Variants in FREM3 observed in about 807,000 individuals in gnomAD.
The protein encoded by FREM3 is FRAS1-related extracellular matrix protein 3.
A neutral mutation model predicts 129.1 loss-of-function variants in FREM3; 105 were observed. The observed-to-expected ratio is 0.81, with a 90% CI of 0.69 to 0.96. The LOEUF (loss-of-function observed/expected upper bound fraction) is 0.96, where lower values mean the gene tolerates loss of function less well. FREM3 is among the 40% of genes least tolerant of loss of function. The probability of loss-of-function intolerance (pLI) is 0.00; values close to 1 mark genes in which losing one functional copy is unlikely to be tolerated. For synonymous variants in FREM3, 1,014 were observed against 1,044.9 expected (o/e 0.97, Z 0.57); for missense variants, 2,593 against 2,666.3 (o/e 0.97, Z 0.61).
At chr4:143,582,729 T>G (rs879143148) in intron 7 of FREM3, among the ~76,000 whole-genome samples, 2 of 151,866 alleles carry the variant, frequency 1.3e-5, no homozygotes, top group Admixed American at 1.3e-4. Context: ...TCATCGAGAA[T>G]CAGGTGAAAG....
At chr4:143,595,571 G>C (rs1362978102) in intron 6 of FREM3, among the ~76,000 whole-genome samples, 1 of 152,078 alleles carries the variant, frequency 6.6e-6, no homozygotes, top group Non-Finnish European at 1.5e-5. Context: ...GTAGCACTTA[G>C]GATTTCATTC....
Position 143,696,198 on chromosome 4 carries a change from C to T in FREM3, c.4478G>A (p.Ser1493Asn). ...IASFTQLQLA[S>N]NKISYVHTSN... ...AGTATGGACATAGGATATTTTGTTG[C>T]TAGCCAATTGAAGTTGAGTGAAAGA... Residue 1493 changes from serine to asparagine, a missense_variant, in exon 1 of 8, where the codon AGC (serine) becomes AAC (asparagine). This residue lies in a region of FREM3 where 2,276 missense variants were observed against 2,267.2 expected (regional missense o/e 1.00). Transcript: ENST00000329798. The T allele has an allele frequency of 2.0e-6, 3 of 1,537,810 alleles. No homozygotes were observed. The highest frequency in any genetic ancestry group is 2.4e-5 in the South Asian group (2 of 84,064).
chr4:143,593,505 G>T (rs1402353134), intron 6 of FREM3, among the ~76,000 whole-genome samples: 1 of 152,222 alleles, frequency 6.6e-6, no homozygotes, highest in South Asian at 2.1e-4. Flanking sequence ...GTCCACTCCA[G>T]ACCCTGTTTG....
intron 2 of FREM3, among the ~76,000 whole-genome samples, chr4:143,686,006 T>C (rs2149860690): frequency 6.6e-6 from 1 of 151,610 alleles, no homozygotes; most frequent in South Asian, 2.1e-4. Context: ...ACTTAAATTA[T>C]ATATATATAT....
intron 2 of FREM3, among the ~76,000 whole-genome samples, chr4:143,668,682 C>T (rs1227151168): frequency 5.3e-5 from 8 of 152,204 alleles, no homozygotes; most frequent in Admixed American, 6.5e-5. Context: ...ACTATATGGT[C>T]TTCTAATGAG....
chr4:143,611,242 C>A (rs768261153), intron 6 of FREM3, 37 bp downstream of exon 6: 1 of 1,513,994 alleles, frequency 6.6e-7, no homozygotes, highest in East Asian at 2.5e-5. Context: ...GAGAAGGCAG[C>A]TATTGCCAAA....
At chr4:143,668,836 C>T (rs558848315) in intron 2 of FREM3, among the ~76,000 whole-genome samples, 5 of 152,288 alleles carry the variant, frequency 3.3e-5, no homozygotes, top group Admixed American at 6.5e-5. Flanking sequence ...TAGAAAAACC[C>T]GAATCATTCT....
At chr4:143,691,160 A>C (rs1160699415) in intron 2 of FREM3, among the ~76,000 whole-genome samples, 1 of 152,224 alleles carries the variant, frequency 6.6e-6, no homozygotes, top group Non-Finnish European at 1.5e-5. Flanking sequence ...TACAGCTATG[A>C]ATGAATGTAT....
chr4:143,617,391 C>G (rs2149840465), intron 5 of FREM3, among the ~76,000 whole-genome samples: 1 of 152,220 alleles, frequency 6.6e-6, no homozygotes, highest in South Asian at 2.1e-4. Context: ...CCACAATAAA[C>G]AGTTATTCAA....
intron 2 of FREM3, among the ~76,000 whole-genome samples, chr4:143,634,041 C>T (rs1739188236): frequency 1.3e-5 from 2 of 152,056 alleles, no homozygotes; most frequent in African/African-American, 4.8e-5. Context: ...AACAGGGCAG[C>T]TGGAGGAGTT....
intron 2 of FREM3, among the ~76,000 whole-genome samples, chr4:143,636,515 G>C (rs1018596699): frequency 2.6e-5 from 4 of 151,924 alleles, no homozygotes; most frequent in African/African-American, 9.7e-5. Flanking sequence ...AGTAATAATA[G>C]AGAAAAACAT....
intron 6 of FREM3, among the ~76,000 whole-genome samples, chr4:143,588,476 G>C (rs564922020): frequency 6.8e-6 from 1 of 146,320 alleles, no homozygotes; most frequent in African/African-American, 2.5e-5. Flanking sequence ...TCCCACCTAT[G>C]AGTGAGAACA....
At chr4:143,626,059 C>T (rs561004006) in intron 3 of FREM3, among the ~76,000 whole-genome samples, 1 of 152,106 alleles carries the variant, frequency 6.6e-6, no homozygotes, top group African/African-American at 2.4e-5. Flanking sequence ...TCCTGTGGTT[C>T]GACTATTAGC....
chr4:143,606,680 CA>C (rs1738672950), intron 6 of FREM3, among the ~76,000 whole-genome samples: 1 of 152,104 alleles, frequency 6.6e-6, no homozygotes. Context: ...ACTGACTGGG[CA>C]AACTGGACAA....
chr4:143,632,487 G>T (rs899214542), intron 2 of FREM3, among the ~76,000 whole-genome samples: 12 of 152,078 alleles, frequency 7.9e-5, no homozygotes, highest in Admixed American at 7.2e-4. Context: ...ATTCTGTCAT[G>T]GTCAAAGGCT....
At chr4:143,679,209 A>G (rs1284206495) in intron 2 of FREM3, among the ~76,000 whole-genome samples, 1 of 152,224 alleles carries the variant, frequency 6.6e-6, no homozygotes, top group Admixed American at 6.5e-5. Flanking sequence ...GCAGGATTTT[A>G]GACTTAACAC....
At chr4:143,646,407 GT>G (rs1739416477) in intron 2 of FREM3, among the ~76,000 whole-genome samples, 1 of 151,968 alleles carries the variant, frequency 6.6e-6, no homozygotes, top group Non-Finnish European at 1.5e-5. Flanking sequence ...ATATGATTTG[GT>G]TCTGTGTCCC....
In FREM3 at chr4:143,698,161, T is replaced by C; in HGVS notation, c.2515A>G (p.Ile839Val). 1.3e-6 allele frequency: 2 copies of C among 1,537,410 alleles called. No individual in the cohort carries two copies. Residue 839 changes from isoleucine (I) to valine (V), a missense_variant, in exon 1 of 8, where the codon ATC becomes GTC. By Grantham distance (29) the Ile-to-Val change is conservative (BLOSUM62 3). Around this residue, in one of 2 missense-constraint regions of FREM3, gnomAD observed 2,276 missense variants for 2,267.2 expected, o/e 1.00. Transcript: ENST00000329798. ...PPEVTNRGFA[I>V]LEGGSFNLSS... ...AGGTTAAAGCTGCCTCCCTCTAAGATAGCAAAGCCTCTGTTGGTGACTTCT... is the reference window on the plus strand; with the variant it reads ...AGGTTAAAGCTGCCTCCCTCTAAGACAGCAAAGCCTCTGTTGGTGACTTCT...
intron 3 of FREM3, 119 bp from the exon 4 acceptor site, chr4:143,624,457 C>T (rs1346210280): frequency 3.0e-5 from 19 of 637,790 alleles, no homozygotes; most frequent in South Asian, 2.0e-4. Flanking sequence ...TCTTTTAATG[C>T]TCCCAAAAGA....
Sources: gnomAD v4.1 joint callset for allele counts (sites outside exome capture counted in the v4.1 genomes callset) on GRCh38, gnomAD v4.1.1 for gene constraint, gnomAD v4.1.1 regional missense constraint, MANE v1.5 for transcripts, NCBI Gene and HGNC (gene_info 2026-07-23, HGNC 2026-07-21) for gene names.